The following TRIO variants were observed in gnomAD, a reference collection of about 807,000 sequenced individuals.
The protein encoded by TRIO is triple functional domain protein.
A neutral mutation model predicts 351.9 loss-of-function variants in TRIO; 58 were observed. The ratio of observed to expected loss-of-function variants is 0.16; its 90% CI spans 0.13 to 0.21. The LOEUF is 0.21. TRIO is among the 10% of genes least tolerant of loss of function. The pLI, the probability that TRIO is intolerant of heterozygous loss-of-function variation, is 1.00. For synonymous variants in TRIO, 1,758 were observed against 1,595.7 expected, an observed-to-expected ratio of 1.10 and a Z score of -2.42; for missense variants, 3,201 against 4,027.8, an observed-to-expected ratio of 0.79 and a Z score of 5.56.
At position 14,181,488 on chromosome 5, in the gene TRIO, A is replaced by C. The variant is rs184403555; in HGVS notation, c.157+37606A>C. The stretch of plus-strand genomic sequence containing the variant: ...GCCATTCTGTGGCCTGCCCAATCTC[A>C]GAATCTGTGATGGCCTTTGTGCCAG... On this transcript the variant is annotated intron_variant, in intron 1 of 56. Transcript: ENST00000344204. Among the ~76,000 whole-genome samples, 74 of 152,284 alleles carry C rather than the reference A, an allele frequency of 4.9e-4. 1 individual carries two copies. In the East Asian group the frequency reaches 6.9e-3, roughly 14 times the overall value.
At chr5:14,425,685 G>A (rs775066844) in intron 34 of TRIO, among the ~76,000 whole-genome samples, 7 of 152,192 alleles carry the variant, frequency 4.6e-5, no homozygotes, top group South Asian at 4.1e-4. Flanking sequence ...TGGACTGTTG[G>A]GTGGTAATTA....
chr5:14,267,554 A>G, intron 1 of TRIO, among the ~76,000 whole-genome samples: 1 of 152,220 alleles, frequency 6.6e-6, no homozygotes, highest in East Asian at 1.9e-4. Flanking sequence ...GTGGAATAGC[A>G]GAGAAGCCAC....
chr5:14,360,421 G>A (rs1228731091), intron 13 of TRIO, among the ~76,000 whole-genome samples: 1 of 152,190 alleles, frequency 6.6e-6, no homozygotes, highest in Admixed American at 6.5e-5. Flanking sequence ...TGCTCTCCTG[G>A]AGTCTAGCCG....
At chr5:14,164,041 C>G (rs978214531) in intron 1 of TRIO, among the ~76,000 whole-genome samples, 1 of 152,136 alleles carries the variant, frequency 6.6e-6, no homozygotes, top group African/African-American at 2.4e-5. Flanking sequence ...TTTTTACTAG[C>G]CTACACTGCT....
intron 1 of TRIO, among the ~76,000 whole-genome samples, chr5:14,166,800 GGGGAAAA>G (rs1478922737): frequency 6.6e-6 from 1 of 152,166 alleles, no homozygotes; most frequent in African/African-American, 2.4e-5. Context: ...ATTCATGAGA[GGGGAAAA>G]AGGAGAAAGG....
At chr5:14,163,762 A>G (rs759733671) in intron 1 of TRIO, among the ~76,000 whole-genome samples, 3 of 152,244 alleles carry the variant, frequency 2.0e-5, no homozygotes, top group Non-Finnish European at 2.9e-5. Flanking sequence ...TTAAAAATCT[A>G]ATAAAGCTTA....
intron 55 of TRIO, among the ~76,000 whole-genome samples, chr5:14,506,614 T>A (rs1230894283): frequency 1.3e-5 from 2 of 152,106 alleles, no homozygotes; most frequent in African/African-American, 4.8e-5. Context: ...TGGGTAAGTG[T>A]TTTTTTAGTA....
At chr5:14,222,660 C>T (rs927162066) in intron 1 of TRIO, among the ~76,000 whole-genome samples, 11 of 152,180 alleles carry the variant, frequency 7.2e-5, no homozygotes, top group African/African-American at 2.7e-4. Flanking sequence ...AGTAACTGTT[C>T]CACAGGATTC....
chr5:14,476,776 A>AGAGT, intron 40 of TRIO, 118 bp from the exon 41 acceptor site: 1 of 807,160 alleles, frequency 1.2e-6, no homozygotes, highest in Non-Finnish European at 1.9e-6. Flanking sequence ...CCTAGGTGAT[A>AGAGT]GAGTGACACT....
intron 2 of TRIO, among the ~76,000 whole-genome samples, chr5:14,271,887 G>A (rs1795996281): frequency 6.6e-6 from 1 of 152,158 alleles, no homozygotes; most frequent in Non-Finnish European, 1.5e-5. Context: ...TGGTGTTTTT[G>A]CTAATCTTGT....
intron 34 of TRIO, among the ~76,000 whole-genome samples, chr5:14,433,989 T>A (rs948507119): frequency 1.3e-5 from 2 of 152,230 alleles, no homozygotes. Flanking sequence ...AAGCACCATT[T>A]GTATATTGAT....
At chr5:14,230,340 T>TTGTGTG (rs59717445) in intron 1 of TRIO, among the ~76,000 whole-genome samples, 2,640 of 149,092 alleles carry the variant, frequency 0.018, 81 homozygotes, top group African/African-American at 0.063. Flanking sequence ...GGCAAGATGT[T>TTGTGTG]TGTGTGTGTG....
chr5:14,362,596 T>C (rs1744247280), intron 13 of TRIO, among the ~76,000 whole-genome samples: 1 of 152,234 alleles, frequency 6.6e-6, no homozygotes, highest in Non-Finnish European at 1.5e-5. Context: ...TTTTAGATTG[T>C]GTAACTTTTA....
intron 1 of TRIO, among the ~76,000 whole-genome samples, chr5:14,153,050 A>C (rs1014917670): frequency 3.3e-5 from 5 of 152,232 alleles, no homozygotes; most frequent in Admixed American, 2.0e-4. Context: ...CTGAATTCTC[A>C]TAAGGTTCAG....
chr5:14,249,105 G>T (rs536717091), intron 1 of TRIO, among the ~76,000 whole-genome samples: 13 of 152,360 alleles, frequency 8.5e-5, no homozygotes, highest in African/African-American at 3.1e-4. Context: ...TTGGCTGGAG[G>T]CAGACTGACT....
chr5:14,439,087 C>G (rs1751823231), intron 34 of TRIO, among the ~76,000 whole-genome samples: 1 of 152,234 alleles, frequency 6.6e-6, no homozygotes, highest in Non-Finnish European at 1.5e-5. Context: ...ACAATCTCAG[C>G]TCACTGCATC....
chr5:14,241,153 A>G (rs1474169504), intron 1 of TRIO, among the ~76,000 whole-genome samples: 2 of 152,250 alleles, frequency 1.3e-5, no homozygotes. Context: ...TGCTAAAACA[A>G]TTTGAGTTTT....
At chr5:14,468,025 C>T (rs1362038614) in intron 37 of TRIO, among the ~76,000 whole-genome samples, 3 of 152,120 alleles carry the variant, frequency 2.0e-5, no homozygotes, top group African/African-American at 4.8e-5. Flanking sequence ...ACCAAATAGC[C>T]GAAATGGTTT....
intron 31 of TRIO, among the ~76,000 whole-genome samples, chr5:14,403,826 C>T (rs1236221672): frequency 9.9e-5 from 1 of 10,146 alleles, no homozygotes; most frequent in African/African-American, 1.8e-3. Flanking sequence ...TGTGAGGGTG[C>T]AGGTGGTGGT....
Sources: allele counts gnomAD v4.1 joint callset (sites outside exome capture counted in the v4.1 genomes callset), GRCh38; gene constraint gnomAD v4.1.1; transcripts MANE v1.5; gene names NCBI Gene and HGNC (gene_info 2026-07-23, HGNC 2026-07-21).